RSPRY1: variants seen among roughly 807,000 people sequenced by gnomAD.
RSPRY1 encodes RING finger and SPRY domain-containing protein 1.
RSPRY1 carries 23 observed loss-of-function variants against 73.1 expected under a neutral mutation model. The ratio of observed to expected loss-of-function variants is 0.31; its 90% confidence interval spans 0.23 to 0.45. The LOEUF is 0.45. RSPRY1 is among the 20% of genes least tolerant of loss of function. RSPRY1 has a pLI of 1.00. For synonymous variants in RSPRY1, 226 were observed against 251.4 expected (o/e 0.90, Z 0.95); for missense variants, 448 against 698.7 (o/e 0.64, Z 4.05).
intron 2 of RSPRY1, 114 bp downstream of exon 2, chr16:57,205,122 C>A: frequency 1.4e-6 from 1 of 719,386 alleles, no homozygotes; most frequent in Non-Finnish European, 2.3e-6. Flanking sequence ...CTTGTGCTCA[C>A]AGGGCAAAGG....
At chr16:57,238,372 A>G (rs1481583639) in intron 14 of RSPRY1, among the ~76,000 whole-genome samples, 1 of 152,238 alleles carries the variant, frequency 6.6e-6, no homozygotes, top group Non-Finnish European at 1.5e-5. Context: ...GATGACAACC[A>G]TACCACATCT....
At position 57,230,829 on chromosome 16, in the gene RSPRY1, C is replaced by A; in HGVS notation, c.1376+16C>A. On this transcript the variant is annotated intron_variant, in intron 12 of 14. Transcript: ENST00000394420. ...CATCTACTGTGTAAGTAGCTCTTCT[C>A]AGTCAAAAATTCGAGTAGATGCACG... The A allele has an allele frequency of 6.7e-7, 1 of 1,495,986 alleles. No individual in the cohort carries two copies. Among genetic ancestry groups the A allele is most frequent in the Non-Finnish European group, 9.3e-7 (1 of 1,076,486 alleles). 92.7% of individuals were successfully genotyped at this position (1,495,986 alleles called of 1,614,324 possible). A position where few individuals can be genotyped will look rare whatever the true frequency, so the allele number is the denominator to read the frequency against.
intron 13 of RSPRY1, among the ~76,000 whole-genome samples, chr16:57,232,895 A>G (rs1271877551): frequency 1.3e-5 from 2 of 152,230 alleles, no homozygotes; most frequent in African/African-American, 4.8e-5. Flanking sequence ...GATAGTAACA[A>G]GAAGATATAG....
intron 2 of RSPRY1, 83 bp from the exon 3 acceptor site, chr16:57,207,975 C>A: frequency 2.4e-6 from 2 of 831,586 alleles, no homozygotes; most frequent in Non-Finnish European, 2.0e-6. Flanking sequence ...CCCTTTTTAC[C>A]TCCACACCTC....
intron 11 of RSPRY1, 110 bp from the exon 12 acceptor site, chr16:57,230,601 T>C: frequency 1.7e-6 from 1 of 579,918 alleles, no homozygotes; most frequent in Non-Finnish European, 3.1e-6. Context: ...GTTGAATGCA[T>C]AGCTAAAGAT....
intron 1 of RSPRY1, among the ~76,000 whole-genome samples, chr16:57,202,892 A>ATATATATATATATGAT (rs2074650770): frequency 6.8e-6 from 1 of 146,290 alleles, no homozygotes; most frequent in African/African-American, 2.5e-5. Context: ...ATATATATAT[A>ATATATATATATATGAT]TATATATATA....
chr16:57,208,251 T>C, intron 3 of RSPRY1, 141 bp downstream of exon 3: 1 of 500,246 alleles, frequency 2.0e-6, no homozygotes, highest in South Asian at 2.9e-5. Flanking sequence ...AAAAAGCCCT[T>C]ACTGTATGGA....
At chr16:57,221,183 A>G (rs1157981017) in intron 9 of RSPRY1, 89 bp from the exon 10 acceptor site, 3 of 1,500,088 alleles carry the variant, frequency 2.0e-6, no homozygotes, top group African/African-American at 1.4e-5. Flanking sequence ...TTTAATAAGG[A>G]AAAATACACT....
intron 1 of RSPRY1, among the ~76,000 whole-genome samples, chr16:57,189,593 C>CTTTTTTTTTTTTTTTTTT (rs544146883): frequency 8.1e-6 from 1 of 124,068 alleles, no homozygotes. Flanking sequence ...CTTTTCTTTT[C>CTTTTTTTTTTTTTTTTTT]TTTTTTTTTT....
rs746654099 is a variant in RSPRY1 at position 57,227,330 on chromosome 16, GTCTC to G, written c.1162-7_1162-4del. On this transcript the variant is annotated splice_polypyrimidine_tract_variant and splice_region_variant and intron_variant, in intron 10 of 14. Coordinates refer to ENST00000394420, the MANE Select transcript of RSPRY1 (RefSeq NM_133368.3). The stretch of plus-strand genomic sequence containing the variant: ...CAGACTTGCTAATCTTCTGGGCCTT[GTCTC>G]TCTCCAGGAAGGCTACGGCATTGGG... The G allele has an allele frequency of 6.3e-7, 1 of 1,596,276 alleles. No individual in the cohort carries two copies. The highest frequency in any genetic ancestry group is 8.6e-7 in the Non-Finnish European group (1 of 1,163,928).
intron 8 of RSPRY1, among the ~76,000 whole-genome samples, chr16:57,219,338 T>C (rs1291472235): frequency 6.6e-6 from 1 of 152,248 alleles, no homozygotes; most frequent in African/African-American, 2.4e-5. Context: ...GCCTGTTTTT[T>C]AGATAAATGC....
At chr16:57,187,448 T>C (rs748483051) in intron 1 of RSPRY1, among the ~76,000 whole-genome samples, 1 of 152,202 alleles carries the variant, frequency 6.6e-6, no homozygotes. Context: ...GTGTCTGTTA[T>C]CGACTGAGTA....
intron 1 of RSPRY1, among the ~76,000 whole-genome samples, chr16:57,196,368 CTTTAGTA>C (rs1242865950): frequency 6.6e-6 from 1 of 152,180 alleles, no homozygotes; most frequent in Admixed American, 6.5e-5. Context: ...AAGAAATGCC[CTTTAGTA>C]TTTCAGTTTG....
intron 2 of RSPRY1, among the ~76,000 whole-genome samples, chr16:57,206,784 C>G (rs1438471547): frequency 6.6e-6 from 1 of 152,174 alleles, no homozygotes; most frequent in Non-Finnish European, 1.5e-5. Flanking sequence ...AGGCTGGTCT[C>G]AAATACCTGG....
Position 57,235,242 on chromosome 16 carries a change from T to C in RSPRY1, c.1634+14T>C, listed in dbSNP as rs368643288. On this transcript the variant is annotated intron_variant, in intron 14 of 14. Coordinates refer to ENST00000394420, the MANE Select transcript of RSPRY1 (RefSeq NM_133368.3). ...ATGTGGACACAGGTAAGAGGATTTA[T>C]ATTAGGCAAAGTTTCATACTGTTCT... 77 of 1,571,922 alleles carry C rather than the reference T, an allele frequency of 4.9e-5. No homozygotes were observed. The highest frequency in any genetic ancestry group is 1.3e-4 in the African/African-American group (10 of 74,098).
At chr16:57,187,388 A>C (rs2074245511) in intron 1 of RSPRY1, among the ~76,000 whole-genome samples, 1 of 152,166 alleles carries the variant, frequency 6.6e-6, no homozygotes, top group Admixed American at 6.5e-5. Context: ...GTTCTCTGAG[A>C]GAGGTTGCTC....
intron 10 of RSPRY1, among the ~76,000 whole-genome samples, chr16:57,226,088 AAAAG>A (rs1176256073): frequency 1.3e-5 from 2 of 152,204 alleles, no homozygotes; most frequent in African/African-American, 4.8e-5. Context: ...CAAAGAAAAA[AAAAG>A]AAGAAACTGC....
rs1346100742 is a variant in RSPRY1 at position 57,217,112 on chromosome 16, C to T, written c.901+77C>T. 2.6e-6 allele frequency: 4 copies of T among 1,539,136 alleles called. No individual in the cohort carries two copies. In the African/African-American group the frequency reaches 5.5e-5, roughly 21 times the overall value. On this transcript the variant is annotated intron_variant, in intron 8 of 14. Coordinates refer to ENST00000394420, the MANE Select transcript of RSPRY1 (RefSeq NM_133368.3). The stretch of plus-strand genomic sequence containing the variant: ...TTTCTTTCATAGGCTCACTGGTCTT[C>T]CTTTTGCAATGGTAAGTATGAGTCC...
intron 10 of RSPRY1, among the ~76,000 whole-genome samples, chr16:57,225,324 T>C (rs938426792): frequency 2.6e-4 from 39 of 152,214 alleles, no homozygotes; most frequent in African/African-American, 9.4e-4. Context: ...GTGCTGAAAT[T>C]ACAGGCATGA....
Sources: allele counts gnomAD v4.1 joint callset (sites outside exome capture counted in the v4.1 genomes callset), GRCh38; gene constraint gnomAD v4.1.1; transcripts MANE v1.5; gene names NCBI Gene and HGNC (gene_info 2026-07-23, HGNC 2026-07-21).